Variants in ARIH1 observed in about 807,000 individuals in gnomAD.
ARIH1 encodes the protein ariadne RBR E3 ubiquitin protein ligase 1.
In ARIH1, 8 loss-of-function variants were observed where a neutral mutation model predicts 85.0. That is an observed-to-expected ratio of 0.09 (90% CI 0.06 to 0.17). ARIH1 has a LOEUF of 0.17. ARIH1 is among the 10% of genes least tolerant of loss of function. The pLI, the probability that ARIH1 is intolerant of heterozygous loss-of-function variation, is 1.00. For missense variants in ARIH1, 311 were observed against 718.1 expected (o/e 0.43, Z 6.48); for synonymous variants, 238 against 253.6 (o/e 0.94, Z 0.59).
chr15:72,589,682 G>A lies in ARIH1; in HGVS notation c.*6390G>A, dbSNP rs1383493131. ...GATCTTGGAGATCATAGTTCGCTGG[G>A]TTCACATCATGGAAATCGTCTTTGA... is the stretch of plus-strand genomic sequence containing the variant. On this transcript the variant is annotated 3_prime_UTR_variant, in exon 14 of 14. Coordinates refer to ENST00000379887, the MANE Select transcript of ARIH1 (RefSeq NM_005744.5). 1 of 152,164 alleles carries A rather than the reference G, an allele frequency of 6.6e-6. No individual in the cohort carries two copies. Among genetic ancestry groups the A allele is most frequent in the Non-Finnish European group, 1.5e-5 (1 of 68,038 alleles). The allele number at this position is 152,164 out of a possible 1,614,324, so 9.4% of individuals were successfully genotyped here.
chr15:72,492,301 T>C (rs2063862682), intron 1 of ARIH1, among the ~76,000 whole-genome samples: 1 of 152,202 alleles, frequency 6.6e-6, no homozygotes, highest in Admixed American at 6.5e-5. Flanking sequence ...CCAGCATTCT[T>C]CTGAAAGAAG....
intron 6 of ARIH1, among the ~76,000 whole-genome samples, chr15:72,562,814 G>A (rs2064202796): frequency 5.3e-5 from 8 of 150,672 alleles, no homozygotes; most frequent in Admixed American, 5.3e-4. Context: ...TTTAATTAAA[G>A]TTATTCAGTG....
Position 72,585,519 on chromosome 15 carries a change from T to A in ARIH1, c.*2227T>A, listed in dbSNP as rs1377011229. ...TCCTTTAAAATGCTTTGTGTATGTG[T>A]GGTGTTTAAAAAAAAAAAATCTTAC... On this transcript the variant is annotated 3_prime_UTR_variant, in exon 14 of 14. Coordinates refer to ENST00000379887, the MANE Select transcript of ARIH1 (RefSeq NM_005744.5). The A allele has an allele frequency of 6.6e-6, 1 of 151,724 alleles. No homozygotes were observed. Among genetic ancestry groups the A allele is most frequent in the Non-Finnish European group, 1.5e-5 (1 of 68,022 alleles). The allele number at this position is 151,724 out of a possible 1,614,324, so 9.4% of individuals were successfully genotyped here. A position where few individuals can be genotyped will look rare whatever the true frequency, so the allele number is the denominator to read the frequency against.
chr15:72,531,356 C>T (rs2064055971), intron 2 of ARIH1, among the ~76,000 whole-genome samples: 1 of 152,030 alleles, frequency 6.6e-6, no homozygotes, highest in Non-Finnish European at 1.5e-5. Context: ...CAGCTTGCAC[C>T]TCCCGGGTTC....
intron 5 of ARIH1, among the ~76,000 whole-genome samples, chr15:72,557,889 A>G (rs1479170361): frequency 3.3e-5 from 5 of 152,200 alleles, no homozygotes; most frequent in Non-Finnish European, 7.3e-5. Context: ...AATTTTGTAC[A>G]TTGATTTTGT....
chr15:72,555,192 C>A (rs1343894497), intron 3 of ARIH1, 79 bp from the exon 4 acceptor site: 2 of 1,037,472 alleles, frequency 1.9e-6, no homozygotes, highest in Non-Finnish European at 2.9e-6. Flanking sequence ...TGTGACCTTA[C>A]AGAGCCCTGT....
intron 3 of ARIH1, among the ~76,000 whole-genome samples, chr15:72,551,377 C>T (rs2064152228): frequency 6.6e-6 from 1 of 152,014 alleles, no homozygotes; most frequent in African/African-American, 2.4e-5. Flanking sequence ...AGCGGTGGAA[C>T]AGGATAGAGT....
At position 72,602,087 on chromosome 15, in the gene ARIH1, A is replaced by G. The variant is rs1211726930; in HGVS notation, c.*18795A>G. On this transcript the variant is annotated 3_prime_UTR_variant, in exon 14 of 14. Coordinates refer to ENST00000379887, the MANE Select transcript of ARIH1 (RefSeq NM_005744.5). ...TGGACTTATAATTTATTTAACCTCT[A>G]TCTAGGTTGGTTTTAGGCATTGGTT... is the stretch of plus-strand genomic sequence containing the variant. The G allele has an allele frequency of 6.6e-6, 1 of 152,152 alleles. No homozygotes were observed. The highest frequency in any genetic ancestry group is 1.5e-5 in the Non-Finnish European group (1 of 68,030). 9.4% of individuals were successfully genotyped at this position (152,152 alleles called of 1,614,324 possible). A position where few individuals can be genotyped will look rare whatever the true frequency, so the allele number is the denominator to read the frequency against.
intron 1 of ARIH1, among the ~76,000 whole-genome samples, chr15:72,489,001 G>A (rs2063848220): frequency 6.6e-6 from 1 of 152,200 alleles, no homozygotes; most frequent in Non-Finnish European, 1.5e-5. Flanking sequence ...CCACAACTTT[G>A]GGAGGTTGAG....
intron 3 of ARIH1, among the ~76,000 whole-genome samples, chr15:72,554,797 A>G (rs1476920051): frequency 6.6e-6 from 1 of 151,616 alleles, no homozygotes; most frequent in Non-Finnish European, 1.5e-5. Flanking sequence ...TCCTTTGCCC[A>G]GGCTGGAGTG....
rs1348209398 is a variant in ARIH1, at chr15:72,517,749, G to T, written c.376-318G>T. Among the ~76,000 whole-genome samples, 3 of 151,950 alleles carry T rather than the reference G, an allele frequency of 2.0e-5. No individual in the cohort carries two copies. The East Asian group carries it at 5.8e-4, about 29-fold the overall frequency. On this transcript the variant is annotated intron_variant, in intron 1 of 13. Transcript: ENST00000379887. ...AAATTTTGATTACATTTAGTGTGCT[G>T]ATGTGGCAGTCTGCTGAAATTATTT...
At chr15:72,548,048 A>C (rs1463060726) in intron 3 of ARIH1, among the ~76,000 whole-genome samples, 2 of 152,334 alleles carry the variant, frequency 1.3e-5, no homozygotes, top group East Asian at 3.9e-4. Flanking sequence ...GCACTATTCT[A>C]AGAAACAATG....
intron 7 of ARIH1, among the ~76,000 whole-genome samples, chr15:72,564,921 T>C (rs2064212808): frequency 6.6e-6 from 1 of 152,088 alleles, no homozygotes; most frequent in Admixed American, 6.6e-5. Context: ...GTCACATTGG[T>C]TATTAAGTTT....
intron 1 of ARIH1, among the ~76,000 whole-genome samples, chr15:72,502,560 T>G (rs541358405): frequency 6.6e-6 from 1 of 152,310 alleles, no homozygotes; most frequent in South Asian, 2.1e-4. Context: ...ATCCCAGCAC[T>G]TTGGGAGGCT....
intron 1 of ARIH1, among the ~76,000 whole-genome samples, chr15:72,488,906 T>C (rs935042412): frequency 6.6e-6 from 1 of 152,172 alleles, no homozygotes; most frequent in Non-Finnish European, 1.5e-5. Flanking sequence ...TTGCGTATAG[T>C]TCCCTGGCGC....
At position 72,582,597 on chromosome 15, in the gene ARIH1, A is replaced by AT. The variant is rs1209417663; in HGVS notation, c.1589+411dup. ...GAGTTTTTATTACATATATATATAT[A>AT]TATTTTTTTAATCTAAGGAGATACT... On this transcript the variant is annotated intron_variant, in intron 13 of 13. Coordinates refer to ENST00000379887, the MANE Select transcript of ARIH1 (RefSeq NM_005744.5). The surrounding 1 kb of genome is among the most constrained non-coding windows in gnomAD (Gnocchi z 4.6). 9.3e-5 allele frequency among the ~76,000 whole-genome samples: 14 copies of AT among 150,410 alleles called. No individual in the cohort carries two copies. Among genetic ancestry groups the AT allele is most frequent in the East Asian group, 1.9e-4 (1 of 5,162 alleles).
At chr15:72,542,765 A>G (rs1000465741) in intron 2 of ARIH1, among the ~76,000 whole-genome samples, 6 of 152,156 alleles carry the variant, frequency 3.9e-5, no homozygotes, top group Non-Finnish European at 5.9e-5. Context: ...TATGAGAGTC[A>G]TTAGTTCCCT....
At chr15:72,525,696 G>A (rs2064024502) in intron 2 of ARIH1, among the ~76,000 whole-genome samples, 2 of 152,124 alleles carry the variant, frequency 1.3e-5, no homozygotes, top group Admixed American at 1.3e-4. Context: ...ACAGTGCCCA[G>A]TCCCTTTCCA....
At chr15:72,480,182 T>C (rs565551789) in intron 1 of ARIH1, among the ~76,000 whole-genome samples, 1 of 152,130 alleles carries the variant, frequency 6.6e-6, no homozygotes, top group Non-Finnish European at 1.5e-5. Context: ...AGTGTACTAT[T>C]CTAGCATATT....
Sources: gnomAD v4.1 joint callset for allele counts (sites outside exome capture counted in the v4.1 genomes callset) on GRCh38, gnomAD v4.1.1 for gene constraint, Gnocchi (gnomAD v3.1) non-coding constraint, MANE v1.5 for transcripts, NCBI Gene and HGNC (gene_info 2026-07-23, HGNC 2026-07-21) for gene names.